The following WFDC2 variants were observed in gnomAD, a reference collection of about 807,000 sequenced individuals.
WFDC2 encodes WAP four-disulfide core domain protein 2.
In WFDC2, 8 loss-of-function variants were observed where a neutral mutation model predicts 12.5. The ratio of observed to expected loss-of-function variants is 0.64; its 90% confidence interval spans 0.37 to 1.15. The LOEUF is 1.15. Ranked by LOEUF, WFDC2 falls within the 50% of genes most tolerant of loss-of-function variation. The pLI is 0.01. For missense variants in WFDC2, 166 were observed against 159.9 expected (o/e 1.04, Z -0.21); for synonymous variants, 74 against 67.2 (o/e 1.10, Z -0.49).
In WFDC2 at chr20:45,480,113, G is replaced by C; in HGVS notation, c.*1+19G>C. The C allele has an allele frequency of 2.5e-6, 4 of 1,612,272 alleles. No homozygotes were observed. The South Asian group carries it at 3.3e-5, about 13-fold the overall frequency. On this transcript the variant is annotated intron_variant, in intron 3 of 3. Transcript: ENST00000372676. ...TTCTGAGGTAAGTGAACGGGAAAGA[G>C]AAAGTGCATTGATGGCCAGGTGTTG...
chr20:45,479,724 C>G (rs1348026576), intron 2 of WFDC2: 2 of 1,613,906 alleles, frequency 1.2e-6, no homozygotes, highest in Admixed American at 1.7e-5. Flanking sequence ...GGGACTCAAG[C>G]TGAGGTCCTG....
At chr20:45,479,207 G>A (rs1437632412) in intron 2 of WFDC2, among the ~76,000 whole-genome samples, 3 of 152,152 alleles carry the variant, frequency 2.0e-5, no homozygotes, top group Admixed American at 6.5e-5. Flanking sequence ...ACTGGGATTC[G>A]GTCTGTGGGT....
intron 2 of WFDC2, among the ~76,000 whole-genome samples, chr20:45,477,646 G>A (rs189014840): frequency 5.2e-4 from 79 of 152,322 alleles, no homozygotes; most frequent in African/African-American, 1.7e-3. Flanking sequence ...CAGGAGACAC[G>A]GAAATCAGGG....
chr20:45,474,172 C>G (rs60235623), intron 2 of WFDC2, among the ~76,000 whole-genome samples: 6,142 of 152,144 alleles, frequency 0.04, 407 homozygotes, highest in African/African-American at 0.14. Context: ...CCCTTTATTT[C>G]TTTCTCTTGA....
At chr20:45,471,708 C>CTTTGCTGT (rs1229874531) in intron 2 of WFDC2, among the ~76,000 whole-genome samples, 1 of 152,138 alleles carries the variant, frequency 6.6e-6, no homozygotes, top group Non-Finnish European at 1.5e-5. Context: ...AGGAGGGAGT[C>CTTTGCTGT]TTTGCTGTTT....
At position 45,470,255 on chromosome 20, in the gene WFDC2, T is replaced by C; in HGVS notation, c.80-134T>C. On this transcript the variant is annotated intron_variant, in intron 1 of 3. Coordinates refer to ENST00000372676, the MANE Select transcript of WFDC2 (RefSeq NM_006103.4). This position sits in a 1 kb window ranked among gnomAD's most constrained non-coding sequence, Gnocchi z 5.4. ...GACTCCTGGTCTGGAAGAAGGAGTC[T>C]CTGGGGGCTGTAAGGGGACTCCTAG... The C allele has an allele frequency of 7.8e-7, 1 of 1,284,242 alleles. No homozygotes were observed. Among genetic ancestry groups the C allele is most frequent in the Non-Finnish European group, 1.0e-6 (1 of 959,296 alleles). The allele number at this position is 1,284,242 out of a possible 1,614,324, so 79.6% of individuals were successfully genotyped here.
chr20:45,480,770 G>A (rs1037304822), intron 3 of WFDC2, among the ~76,000 whole-genome samples: 1 of 152,166 alleles, frequency 6.6e-6, no homozygotes, highest in Non-Finnish European at 1.5e-5. Context: ...TTGAAATCTA[G>A]AGAGGGGGTG....
In WFDC2 at chr20:45,469,860, G is replaced by A; in HGVS notation, c.79G>A (p.Gly27Ser). 1.2e-6 allele frequency: 2 copies of A among 1,606,828 alleles called. No individual in the cohort carries two copies. The highest frequency in any genetic ancestry group is 1.7e-6 in the Non-Finnish European group (2 of 1,177,192). ...LLLFGFTLVS[G>S]TGAEKTGVCP... Reference sequence around the variant, plus strand: ...GCTGTTCGGCTTCACCCTAGTCTCAGGTGAGTGGGGCGGGGAGAGGCCCGG... The same window carrying A: ...GCTGTTCGGCTTCACCCTAGTCTCAAGTGAGTGGGGCGGGGAGAGGCCCGG... The change falls in exon 1 of 4, where the codon GGC (glycine) becomes AGC (serine). Residue 27 changes from glycine to serine, a missense_variant and splice_region_variant. Physicochemically the swap from Gly to Ser is moderately conservative, Grantham distance 56. Coordinates refer to ENST00000372676, the MANE Select transcript of WFDC2 (RefSeq NM_006103.4).
chr20:45,470,416 G>A lies in WFDC2; in HGVS notation c.107G>A (p.Cys36Tyr). The A allele has an allele frequency of 6.3e-7, 1 of 1,590,778 alleles. No individual in the cohort carries two copies. The highest frequency in any genetic ancestry group is 1.1e-5 in the South Asian group (1 of 87,684). Residue 36 changes from cysteine to tyrosine, a missense_variant, in exon 2 of 4, where the codon TGC becomes TAC. Transcript: ENST00000372676. This position sits in a 1 kb window ranked among gnomAD's most constrained non-coding sequence, Gnocchi z 5.4. Reference sequence around the variant, plus strand: ...ACAGGAGCAGAGAAGACTGGCGTGTGCCCCGAGCTCCAGGCTGACCAGAAC... The same window carrying A: ...ACAGGAGCAGAGAAGACTGGCGTGTACCCCGAGCTCCAGGCTGACCAGAAC... ...SGTGAEKTGV[C>Y]PELQADQNCT...
intron 2 of WFDC2, among the ~76,000 whole-genome samples, chr20:45,475,812 G>A (rs1991225894): frequency 6.6e-6 from 1 of 152,204 alleles, no homozygotes; most frequent in South Asian, 2.1e-4. Context: ...CGGAGTCTAA[G>A]TCTCTTTGTA....
chr20:45,469,902 G>A (rs75766050), intron 1 of WFDC2, 42 bp downstream of exon 1: 90,257 of 1,570,066 alleles, frequency 0.057, 3,201 homozygotes, highest in East Asian at 0.18. Context: ...GAGGGGCCGA[G>A]CCACGAGCGC....
At chr20:45,476,857 G>T (rs189395355) in intron 2 of WFDC2, among the ~76,000 whole-genome samples, 20 of 151,988 alleles carry the variant, frequency 1.3e-4, no homozygotes, top group African/African-American at 4.6e-4. Context: ...TTTTTTGGAG[G>T]CTTTGTTCAT....
At chr20:45,478,104 G>A (rs1432642002) in intron 2 of WFDC2, among the ~76,000 whole-genome samples, 2 of 152,204 alleles carry the variant, frequency 1.3e-5, no homozygotes, top group African/African-American at 4.8e-5. Flanking sequence ...GGCTCCATGG[G>A]GGTGGGATCC....
chr20:45,469,953 G>A (rs929719429), intron 1 of WFDC2, 93 bp downstream of exon 1: 17 of 1,472,476 alleles, frequency 1.2e-5, no homozygotes, highest in Non-Finnish European at 1.5e-5. Context: ...TGGAGGCTGG[G>A]GAAGTGGGAA....
At chr20:45,471,683 G>C (rs1991174241) in intron 2 of WFDC2, among the ~76,000 whole-genome samples, 1 of 152,166 alleles carries the variant, frequency 6.6e-6, no homozygotes, top group South Asian at 2.1e-4. Flanking sequence ...CCAGATGAGA[G>C]AGGTGGAGGA....
Position 45,470,016 on chromosome 20 carries a change from T to G in WFDC2, c.79+156T>G, listed in dbSNP as rs1991146195. ...TTGGAGCCTAGGGTGTGGGGTCCAATGTGCTGGAGGTGGAGAGACCACTGA... is the reference window on the plus strand; with the variant it reads ...TTGGAGCCTAGGGTGTGGGGTCCAAGGTGCTGGAGGTGGAGAGACCACTGA... On this transcript the variant is annotated intron_variant, in intron 1 of 3. Transcript: ENST00000372676. The surrounding 1 kb of genome is among the most constrained non-coding windows in gnomAD (Gnocchi z 5.4). Among the ~76,000 whole-genome samples, 1 of 151,906 alleles carries G rather than the reference T, an allele frequency of 6.6e-6. No homozygotes were observed. The highest frequency in any genetic ancestry group is 1.5e-5 in the Non-Finnish European group (1 of 67,966).
At position 45,470,424 on chromosome 20, in the gene WFDC2, C is replaced by G; in HGVS notation, c.115C>G (p.Leu39Val). The G allele has an allele frequency of 6.3e-7, 1 of 1,592,336 alleles. No homozygotes were observed. The highest frequency in any genetic ancestry group is 8.6e-7 in the Non-Finnish European group (1 of 1,168,604). Residue 39 changes from leucine (L) to valine (V), a missense_variant, in exon 2 of 4, where the codon CTC (leucine) becomes GTC (valine). Leu to Val is a conservative substitution (Grantham distance 32). Transcript: ENST00000372676. The surrounding 1 kb of genome is among the most constrained non-coding windows in gnomAD (Gnocchi z 5.4). Reference protein sequence around the residue: ...GAEKTGVCPELQADQNCTQEC... With the variant: ...GAEKTGVCPEVQADQNCTQEC... ...AGAGAAGACTGGCGTGTGCCCCGAG[C>G]TCCAGGCTGACCAGAACTGCACGCA...
chr20:45,477,672 C>A (rs547730641), intron 2 of WFDC2, among the ~76,000 whole-genome samples: 8 of 149,812 alleles, frequency 5.3e-5, no homozygotes. Flanking sequence ...CTTGAGGAGG[C>A]AGTCTGACCC....
At chr20:45,474,791 G>A (rs1317008979) in intron 2 of WFDC2, among the ~76,000 whole-genome samples, 1 of 152,188 alleles carries the variant, frequency 6.6e-6, no homozygotes, top group African/African-American at 2.4e-5. Context: ...GAATTCGGCT[G>A]TGAATCTGTC....
Sources: gnomAD v4.1 joint callset for allele counts (sites outside exome capture counted in the v4.1 genomes callset) on GRCh38, gnomAD v4.1.1 for gene constraint, Gnocchi (gnomAD v3.1) non-coding constraint, MANE v1.5 for transcripts, NCBI Gene and HGNC (gene_info 2026-07-23, HGNC 2026-07-21) for gene names.